The following FANCB variants were observed in gnomAD, a reference collection of about 807,000 sequenced individuals.
FANCB encodes the protein FA complementation group B.
FANCB carries 5 observed loss-of-function variants against 38.9 expected under a neutral mutation model. That is an observed-to-expected ratio of 0.13 (90% CI 0.07 to 0.27). The LOEUF (loss-of-function observed/expected upper bound fraction) is 0.27. Ranked by LOEUF, FANCB falls within the 10% of genes least tolerant of loss-of-function variation. The pLI is 1.00. For synonymous variants in FANCB, 236 were observed against 215.4 expected (o/e 1.10, Z -0.84); for missense variants, 573 against 602.7 (o/e 0.95, Z 0.52).
At chrX:14,796,530 T>G in the FANCB span, among the ~76,000 whole-genome samples, 2 of 98,572 alleles carry the variant, frequency 2.0e-5, no homozygotes, top group South Asian at 4.2e-4. Flanking sequence ...ATATATAATC[T>G]ATTATATATG....
intron 5 of FANCB, 62 bp downstream of exon 5, chrX:14,857,800 T>C: frequency 2.5e-6 from 2 of 787,883 alleles, no homozygotes; most frequent in South Asian, 2.1e-5. Context: ...TTTCTTTCAA[T>C]GTTCTTTCCT....
chrX:14,754,866 G>A, the FANCB span, among the ~76,000 whole-genome samples: 2 of 110,607 alleles, frequency 1.8e-5, no homozygotes, highest in African/African-American at 6.6e-5. Flanking sequence ...ACCCTGTTAC[G>A]AAAACCAGAA....
At chrX:14,703,477 G>A in the FANCB span, among the ~76,000 whole-genome samples, 2 of 111,907 alleles carry the variant, frequency 1.8e-5, no homozygotes, top group African/African-American at 6.5e-5. Flanking sequence ...TTGTGAGCAC[G>A]TAGATCATCT....
chrX:14,730,889 TATACACAC>T, the FANCB span: 1 of 129,234 alleles, frequency 7.7e-6, no homozygotes, highest in African/African-American at 4.7e-5. Flanking sequence ...AAAAGTTAGC[TATACACAC>T]ACACACACAC....
chrX:14,806,329 G>T, the FANCB span, among the ~76,000 whole-genome samples: 12 of 112,188 alleles, frequency 1.1e-4, no homozygotes, highest in Admixed American at 8.5e-4. Context: ...GAGTGCCTTT[G>T]ATTCCATTTT....
chrX:14,691,282 T>A, the FANCB span, among the ~76,000 whole-genome samples: 19,439 of 81,459 alleles, frequency 0.24, 1,552 homozygotes, highest in Non-Finnish European at 0.29. Flanking sequence ...TGTGTGTGTG[T>A]GTGTGTGTGT....
At chrX:14,812,719 C>T in the FANCB span, among the ~76,000 whole-genome samples, 8 of 109,307 alleles carry the variant, frequency 7.3e-5, no homozygotes, top group African/African-American at 2.7e-4. Context: ...GATTCACTGC[C>T]GAATTCTACC....
At chrX:14,794,789 G>C in the FANCB span, among the ~76,000 whole-genome samples, 1 of 112,117 alleles carries the variant, frequency 8.9e-6, no homozygotes, top group Admixed American at 9.5e-5. Flanking sequence ...AGAGTGGGGA[G>C]AGAATAGGCA....
the FANCB span, among the ~76,000 whole-genome samples, chrX:14,811,772 A>G: frequency 1.8e-5 from 2 of 111,267 alleles, no homozygotes; most frequent in African/African-American, 6.5e-5. Flanking sequence ...GAAAGTTAAC[A>G]AGGATACCCA....
chrX:14,758,688 A>T, the FANCB span, among the ~76,000 whole-genome samples: 1 of 112,022 alleles, frequency 8.9e-6, no homozygotes, highest in East Asian at 2.8e-4. Context: ...CACCATATCA[A>T]GGGAGCACCC....
chrX:14,845,191 C>T lies in FANCB; in HGVS notation c.1592G>A (p.Ser531Asn). 1 of 1,209,651 alleles carries T rather than the reference C, an allele frequency of 8.3e-7. No homozygotes were observed. Among genetic ancestry groups the T allele is most frequent in the Non-Finnish European group, 1.1e-6 (1 of 893,742 alleles). The change falls in exon 8 of 10, where the codon AGT becomes AAT. Residue 531 changes from serine to asparagine, a missense_variant. Transcript: ENST00000650831. ...GTATGGTGCTGGGAAAGGATTTGTA[C>T]TCAACTTAATCACCCTATTTTGACA... The part of the protein sequence containing the change: ...LKCQNRVIKL[S>N]TNPFPAPYLM...
At chrX:14,871,256 A>T (rs1732124044) in intron 1 of FANCB, among the ~76,000 whole-genome samples, 1 of 111,830 alleles carries the variant, frequency 8.9e-6, no homozygotes, top group African/African-American at 3.3e-5. Context: ...CAAAAACAGA[A>T]ATCACAGGAC....
chrX:14,787,986 C>T, the FANCB span, among the ~76,000 whole-genome samples: 1 of 95,577 alleles, frequency 1.0e-5, no homozygotes, highest in African/African-American at 3.9e-5. Context: ...AAACTTCAAC[C>T]TTTTTAGGTA....
chrX:14,859,123 G>A (rs777266712), intron 4 of FANCB, 59 bp downstream of exon 4: 7 of 794,073 alleles, frequency 8.8e-6, no homozygotes, highest in African/African-American at 2.0e-5. Flanking sequence ...AAGCTTTTGA[G>A]CACTTAAATT....
intron 7 of FANCB, among the ~76,000 whole-genome samples, chrX:14,848,995 G>A (rs1218738793): frequency 1.1e-4 from 12 of 111,137 alleles, no homozygotes; most frequent in African/African-American, 3.6e-4. Context: ...AGAGAGCCCC[G>A]TTGCATTGCG....
At chrX:14,794,490 A>C in the FANCB span, among the ~76,000 whole-genome samples, 9 of 112,388 alleles carry the variant, frequency 8.0e-5, no homozygotes, top group East Asian at 1.7e-3. Flanking sequence ...GGAAGTCATC[A>C]TGAATATGGA....
At chrX:14,823,334 G>A in the FANCB span, among the ~76,000 whole-genome samples, 26 of 110,831 alleles carry the variant, frequency 2.3e-4, no homozygotes, top group African/African-American at 7.5e-4. Flanking sequence ...CGCCCGCCCC[G>A]GCCTCCCAAA....
the FANCB span, among the ~76,000 whole-genome samples, chrX:14,817,309 T>C: frequency 3.0e-3 from 335 of 111,777 alleles, 1 homozygote; most frequent in African/African-American, 9.8e-3. Context: ...CCTCTGCCCC[T>C]ACATCCTCTT....
the FANCB span, among the ~76,000 whole-genome samples, chrX:14,762,182 C>T: frequency 1.8e-5 from 2 of 111,072 alleles, no homozygotes; most frequent in Non-Finnish European, 3.8e-5. Flanking sequence ...AATGCTATGT[C>T]GTCACATGGC....
Sources: allele counts gnomAD v4.1 joint callset (sites outside exome capture counted in the v4.1 genomes callset), GRCh38; gene constraint gnomAD v4.1.1; transcripts MANE v1.5; gene names NCBI Gene and HGNC (gene_info 2026-07-23, HGNC 2026-07-21).